The following CDH12 variants were observed in gnomAD, a reference collection of about 807,000 sequenced individuals.
CDH12 encodes cadherin 12.
Under a neutral mutation model 74.1 loss-of-function variants are expected in CDH12, and 41 were observed. That is an observed-to-expected ratio of 0.55 (90% CI 0.43 to 0.72). CDH12 has a LOEUF of 0.72. Ranked by LOEUF, CDH12 falls within the 30% of genes least tolerant of loss-of-function variation. The pLI, the probability that CDH12 is intolerant of heterozygous loss-of-function variation, is 0.00. For synonymous variants in CDH12, 399 were observed against 355.0 expected, an observed-to-expected ratio of 1.12 and a Z score of -1.39; for missense variants, 945 against 977.2, an observed-to-expected ratio of 0.97 and a Z score of 0.44.
intron 1 of CDH12, among the ~76,000 whole-genome samples, chr5:22,832,885 C>T (rs1736679360): frequency 6.6e-6 from 1 of 152,092 alleles, no homozygotes; most frequent in Non-Finnish European, 1.5e-5. Context: ...GATAATTATC[C>T]TTTCACACCT....
intron 8 of CDH12, among the ~76,000 whole-genome samples, chr5:21,826,357 C>G (rs1399035383): frequency 6.6e-6 from 1 of 152,172 alleles, no homozygotes; most frequent in Non-Finnish European, 1.5e-5. Context: ...TTCCACCTCT[C>G]CAGTTCCATG....
At chr5:22,770,106 TC>T (rs1030562321) in intron 1 of CDH12, among the ~76,000 whole-genome samples, 1 of 151,666 alleles carries the variant, frequency 6.6e-6, no homozygotes, top group African/African-American at 2.4e-5. Context: ...TATTCACATG[TC>T]CCCAGGCGTG....
At position 22,153,425 on chromosome 5, in the gene CDH12, T is replaced by C. The variant is rs193138504; in HGVS notation, c.-187+59073A>G. The stretch of plus-strand genomic sequence containing the variant: ...TCTAGGGTCTTAACCACATTGCTTG[T>C]TTTTCTATTAGAGTTTGGAATGGGT... On this transcript the variant is annotated intron_variant, in intron 4 of 14. Transcript: ENST00000382254. Among the ~76,000 whole-genome samples the C allele has an allele frequency of 4.2e-3, 631 of 151,924 alleles. 6 individuals are homozygous for C. Among genetic ancestry groups the C allele is most frequent in the African/African-American group, 0.015 (618 of 41,476 alleles).
At chr5:22,286,441 A>G (rs1580482929) in intron 3 of CDH12, among the ~76,000 whole-genome samples, 1 of 152,176 alleles carries the variant, frequency 6.6e-6, no homozygotes, top group African/African-American at 2.4e-5. Flanking sequence ...AAAAGATAAA[A>G]TGAAATTCTA....
intron 2 of CDH12, among the ~76,000 whole-genome samples, chr5:22,481,768 C>G (rs1415983724): frequency 6.6e-6 from 1 of 152,106 alleles, no homozygotes; most frequent in African/African-American, 2.4e-5. Flanking sequence ...TTCTACAGAT[C>G]TGCTGTACAA....
intron 6 of CDH12, among the ~76,000 whole-genome samples, chr5:21,925,616 A>C (rs545702522): frequency 1.3e-5 from 2 of 152,294 alleles, no homozygotes; most frequent in South Asian, 4.1e-4. Context: ...TTATTTATTC[A>C]TTGTAACTAA....
chr5:22,297,823 C>A (rs1737697482), intron 3 of CDH12, among the ~76,000 whole-genome samples: 1 of 152,032 alleles, frequency 6.6e-6, no homozygotes, highest in Non-Finnish European at 1.5e-5. Context: ...TGAACTCCAT[C>A]TTTTATTCCA....
chr5:22,007,297 G>A (rs1737023764), intron 5 of CDH12, among the ~76,000 whole-genome samples: 1 of 152,146 alleles, frequency 6.6e-6, no homozygotes, highest in East Asian at 1.9e-4. Flanking sequence ...ATTGTATAGA[G>A]TGCTTGAAAA....
chr5:22,651,668 C>T (rs190338794), intron 1 of CDH12, among the ~76,000 whole-genome samples: 1 of 150,846 alleles, frequency 6.6e-6, no homozygotes, highest in African/African-American at 2.4e-5. Flanking sequence ...AAAGCCTAAC[C>T]ATATCAGCTA....
intron 1 of CDH12, among the ~76,000 whole-genome samples, chr5:22,572,616 A>T (rs1739595337): frequency 6.6e-6 from 1 of 152,162 alleles, no homozygotes; most frequent in South Asian, 2.1e-4. Flanking sequence ...GATTTATAGA[A>T]GTCTCAGGCT....
At chr5:22,236,191 A>G (rs1480894907) in intron 3 of CDH12, among the ~76,000 whole-genome samples, 1 of 152,244 alleles carries the variant, frequency 6.6e-6, no homozygotes, top group East Asian at 1.9e-4. Context: ...GACTTCATAA[A>G]CAACGTACAT....
chr5:22,263,681 G>A (rs1435392289), intron 3 of CDH12, among the ~76,000 whole-genome samples: 6 of 151,920 alleles, frequency 3.9e-5, no homozygotes, highest in Non-Finnish European at 8.8e-5. Context: ...TGTTTATATA[G>A]TACAATGATG....
chr5:21,920,913 G>GTT (rs1754323405), intron 6 of CDH12, among the ~76,000 whole-genome samples: 1 of 152,138 alleles, frequency 6.6e-6, no homozygotes, highest in Admixed American at 6.6e-5. Flanking sequence ...AATCATGAAT[G>GTT]TTTAGATAGT....
At chr5:21,915,104 T>G (rs1314914466) in intron 6 of CDH12, among the ~76,000 whole-genome samples, 1 of 152,180 alleles carries the variant, frequency 6.6e-6, no homozygotes, top group Non-Finnish European at 1.5e-5. Flanking sequence ...TTGTTTTTCC[T>G]AAAAGCAACC....
chr5:22,059,899 A>T (rs189927635), intron 5 of CDH12, among the ~76,000 whole-genome samples: 12 of 152,252 alleles, frequency 7.9e-5, no homozygotes, highest in African/African-American at 2.4e-4. Flanking sequence ...ATGCCAAACA[A>T]TTATTATTAT....
At position 22,596,095 on chromosome 5, in the gene CDH12, G is replaced by A. The variant is rs959024980; in HGVS notation, c.-522-90731C>T. 2.9e-4 allele frequency among the ~76,000 whole-genome samples: 42 copies of A among 143,754 alleles called. 1 individual carries two copies. Among genetic ancestry groups the A allele is most frequent in the African/African-American group, 9.7e-4 (38 of 38,980 alleles). The allele number at this position is 143,754 out of a possible 152,430, so 94.3% of individuals were successfully genotyped here. A position where few individuals can be genotyped will look rare whatever the true frequency, so the allele number is the denominator to read the frequency against. Reference sequence around the variant, plus strand: ...TGCACTCCAGCCTGGGCGACAGAGCGTGACTCCGTCTCAAAAAAAATAAAA... The same window carrying A: ...TGCACTCCAGCCTGGGCGACAGAGCATGACTCCGTCTCAAAAAAAATAAAA... On this transcript the variant is annotated intron_variant, in intron 1 of 14. Coordinates refer to ENST00000382254, the MANE Select transcript of CDH12 (RefSeq NM_004061.5).
At chr5:21,829,980 C>G (rs894717227) in intron 8 of CDH12, among the ~76,000 whole-genome samples, 3 of 151,848 alleles carry the variant, frequency 2.0e-5, no homozygotes, top group African/African-American at 7.3e-5. Context: ...AGGTGGATCA[C>G]CCGAGGTCAG....
intron 11 of CDH12, among the ~76,000 whole-genome samples, chr5:21,766,034 C>T (rs957185194): frequency 6.6e-6 from 1 of 151,996 alleles, no homozygotes; most frequent in East Asian, 1.9e-4. Flanking sequence ...TTTATTCCAT[C>T]ATACCTTCTC....
At chr5:22,465,288 C>A (rs755070631) in intron 2 of CDH12, among the ~76,000 whole-genome samples, 52 of 152,270 alleles carry the variant, frequency 3.4e-4, no homozygotes, top group African/African-American at 9.1e-4. Flanking sequence ...CAGCCGTGAT[C>A]TGAGCTCTGG....
Sources: gnomAD v4.1 joint callset for allele counts (sites outside exome capture counted in the v4.1 genomes callset) on GRCh38, gnomAD v4.1.1 for gene constraint, MANE v1.5 for transcripts, NCBI Gene and HGNC (gene_info 2026-07-23, HGNC 2026-07-21) for gene names.